SOS1: variants seen among roughly 807,000 people sequenced by gnomAD.
SOS1 encodes SOS Ras/Rac guanine nucleotide exchange factor 1.
A neutral mutation model predicts 157.6 loss-of-function variants in SOS1; 25 were observed. The observed-to-expected ratio is 0.16, with a 90% CI of 0.12 to 0.22. The LOEUF (loss-of-function observed/expected upper bound fraction) is 0.22. Among genes scored for constraint, SOS1 ranks in the 10% least tolerant of loss-of-function variants. SOS1 has a pLI of 1.00. For synonymous variants in SOS1, 528 were observed against 534.0 expected, an observed-to-expected ratio of 0.99 and a Z score of 0.16; for missense variants, 1,237 against 1,599.1, an observed-to-expected ratio of 0.77 and a Z score of 3.86.
chr2:39,106,368 A>G (rs865982209), intron 1 of SOS1, among the ~76,000 whole-genome samples: 11 of 152,132 alleles, frequency 7.2e-5, no homozygotes, highest in African/African-American at 2.4e-4. Flanking sequence ...AGGCGGGCGG[A>G]TCACGAGGTC....
intron 1 of SOS1, among the ~76,000 whole-genome samples, chr2:39,101,184 G>A (rs1273945609): frequency 6.6e-6 from 1 of 152,134 alleles, no homozygotes. Context: ...AGAGAGAGGG[G>A]AAGTGTGTCA....
At position 39,067,741 on chromosome 2, in the gene SOS1, C is replaced by T; in HGVS notation, c.100G>A (p.Val34Ile). ...TCATTAGACTCGAGAGTAGGATGAACTTGCCCCTGGACCTATAAACAAAAA... is the reference window on the plus strand; with the variant it reads ...TCATTAGACTCGAGAGTAGGATGAATTTGCCCCTGGACCTATAAACAAAAA... ...VPALKKVQGQ[V>I]HPTLESNDDA... Residue 34 changes from valine (V) to isoleucine (I), a missense_variant, in exon 2 of 23, where the codon GTT (valine) becomes ATT (isoleucine). Physicochemically the swap from Val to Ile is conservative, Grantham distance 29. This residue lies in a region of SOS1 where 99 missense variants were observed against 81.6 expected (regional missense o/e 1.21). Transcript: ENST00000402219. 6.2e-7 allele frequency: 1 copy of T among 1,612,872 alleles called. No individual in the cohort carries two copies. The highest frequency in any genetic ancestry group is 8.5e-7 in the Non-Finnish European group (1 of 1,178,858).
At chr2:39,117,177 C>T (rs1281349026) in intron 1 of SOS1, among the ~76,000 whole-genome samples, 1 of 151,984 alleles carries the variant, frequency 6.6e-6, no homozygotes, top group East Asian at 1.9e-4. Context: ...TACAGGTGCC[C>T]ACCACCACGC....
intron 1 of SOS1, among the ~76,000 whole-genome samples, chr2:39,113,548 TA>T (rs1673521415): frequency 6.6e-6 from 1 of 151,910 alleles, no homozygotes; most frequent in Non-Finnish European, 1.5e-5. Flanking sequence ...AATAAATAAA[TA>T]AAATAATTTT....
chr2:39,077,469 T>G (rs1048614045), intron 1 of SOS1, among the ~76,000 whole-genome samples: 1 of 152,182 alleles, frequency 6.6e-6, no homozygotes, highest in Admixed American at 6.5e-5. Flanking sequence ...ATAATTCCTA[T>G]TAAAATTGAA....
intron 1 of SOS1, among the ~76,000 whole-genome samples, chr2:39,086,927 C>G (rs1345217141): frequency 3.3e-5 from 5 of 152,154 alleles, no homozygotes; most frequent in African/African-American, 4.8e-5. Context: ...ATTCTCCTGC[C>G]TCAGCCTCCC....
intron 1 of SOS1, among the ~76,000 whole-genome samples, chr2:39,075,166 A>G (rs1671927199): frequency 6.6e-6 from 1 of 152,150 alleles, no homozygotes; most frequent in Admixed American, 6.5e-5. Context: ...CAGGCTCCAT[A>G]AGAAGAGAGA....
chr2:39,080,471 A>AT (rs2148167991), intron 1 of SOS1, among the ~76,000 whole-genome samples: 1 of 152,320 alleles, frequency 6.6e-6, no homozygotes, highest in South Asian at 2.1e-4. Context: ...GGGACCCCTG[A>AT]TTTAAACTGA....
rs575349210 is a variant in SOS1, at chr2:39,097,504, G to T, written c.87+22832C>A. ...TTTAACAAGCTGTCCAAGTGATTCTGATGCTTGATAAAGTTTGGCAACCAC... is the reference window on the plus strand; with the variant it reads ...TTTAACAAGCTGTCCAAGTGATTCTTATGCTTGATAAAGTTTGGCAACCAC... On this transcript the variant is annotated intron_variant, in intron 1 of 22. Transcript: ENST00000402219. 3.9e-5 allele frequency among the ~76,000 whole-genome samples: 6 copies of T among 151,908 alleles called. 1 individual carries two copies. The highest frequency in any genetic ancestry group is 2.6e-4 in the Admixed American group (4 of 15,266).
intron 1 of SOS1, among the ~76,000 whole-genome samples, chr2:39,117,446 G>C (rs943189947): frequency 6.6e-6 from 1 of 152,184 alleles, no homozygotes; most frequent in Admixed American, 6.5e-5. Flanking sequence ...AACAGATACA[G>C]TGGGACATTC....
chr2:39,074,060 C>T (rs1450117885), intron 1 of SOS1, among the ~76,000 whole-genome samples: 2 of 152,110 alleles, frequency 1.3e-5, no homozygotes, highest in African/African-American at 2.4e-5. Context: ...AAATTTAAGA[C>T]CAGCCTGGGC....
At chr2:39,122,659 A>C (rs1321713849), upstream of SOS1, among the ~76,000 whole-genome samples, 2 of 152,250 alleles carry the variant, frequency 1.3e-5, no homozygotes, top group South Asian at 4.1e-4. Flanking sequence ...CCCACTTTCA[A>C]AGTGTGTGGA....
intron 6 of SOS1, among the ~76,000 whole-genome samples, chr2:39,047,850 T>C (rs1303004256): frequency 1.3e-5 from 2 of 152,086 alleles, no homozygotes; most frequent in Non-Finnish European, 2.9e-5. Context: ...GTATTTTTAA[T>C]AGAGACAGGG....
chr2:39,035,497 G>C lies in SOS1; in HGVS notation c.868C>G (p.Leu290Val). The change falls in exon 7 of 23, where the codon CTG becomes GTG. Residue 290 changes from leucine to valine, a missense_variant. Leu to Val is a conservative substitution (Grantham distance 32, BLOSUM62 1). Around this residue, in one of 15 missense-constraint regions of SOS1, gnomAD observed 101 missense variants for 171.5 expected, o/e 0.59. Coordinates refer to ENST00000402219, the MANE Select transcript of SOS1 (RefSeq NM_005633.4). ...GSCFEDLAEE[L>V]AFDPYESYAR... ...TACGATTCATATGGATCAAATGCCA[G>C]TTCCTTAGAAAATAAAGAAGGTAAA... 1 of 1,601,514 alleles carries C rather than the reference G, an allele frequency of 6.2e-7. No individual in the cohort carries two copies. Among genetic ancestry groups the C allele is most frequent in the East Asian group, 2.2e-5 (1 of 44,804 alleles).
intron 6 of SOS1, among the ~76,000 whole-genome samples, chr2:39,045,613 TTA>T (rs1219133589): frequency 2.0e-5 from 3 of 152,222 alleles, no homozygotes; most frequent in Non-Finnish European, 4.4e-5. Context: ...TGATTAGTTT[TTA>T]TGTTATGATA....
chr2:39,102,354 C>T (rs989249382), intron 1 of SOS1, among the ~76,000 whole-genome samples: 2 of 149,866 alleles, frequency 1.3e-5, no homozygotes, highest in Non-Finnish European at 1.5e-5. Context: ...GAGAGTTCAT[C>T]TTTACCAAAG....
intron 8 of SOS1, among the ~76,000 whole-genome samples, chr2:39,033,247 A>T (rs1230527412): frequency 6.8e-6 from 1 of 147,902 alleles, no homozygotes; most frequent in Non-Finnish European, 1.5e-5. Flanking sequence ...AAGTGATGAG[A>T]GTCTTGTGGA....
rs149139868 is a variant in SOS1 at position 39,035,549 on chromosome 2, C to T, written c.865-49G>A. 1,331 of 1,347,608 alleles carry T rather than the reference C, an allele frequency of 9.9e-4. 14 individuals carry two copies. The African/African-American group carries it at 0.017, about 17-fold the overall frequency. 83.5% of individuals were successfully genotyped at this position (1,347,608 alleles called of 1,614,324 possible). A position where few individuals can be genotyped will look rare whatever the true frequency, so the allele number is the denominator to read the frequency against. On this transcript the variant is annotated intron_variant, in intron 6 of 22. Coordinates refer to ENST00000402219, the MANE Select transcript of SOS1 (RefSeq NM_005633.4). The stretch of plus-strand genomic sequence containing the variant: ...CATAAATAATTTACCATTACAAACA[C>T]AGAAAGATTTAATTATGGGGCACGA...
In SOS1 at chr2:39,076,507, G is replaced by T. The variant is rs570428525; in HGVS notation, c.88-8754C>A. On this transcript the variant is annotated intron_variant, in intron 1 of 22. Coordinates refer to ENST00000402219, the MANE Select transcript of SOS1 (RefSeq NM_005633.4). The stretch of plus-strand genomic sequence containing the variant: ...AGGAACTAAGACTGGTTCAACAAAA[G>T]TAAATCTTTTGTGATTCTCACATTA... 3.3e-5 allele frequency among the ~76,000 whole-genome samples: 5 copies of T among 152,184 alleles called. No individual in the cohort carries two copies. The South Asian group carries it at 1.0e-3, about 32-fold the overall frequency.
Sources: gnomAD v4.1 joint callset for allele counts (sites outside exome capture counted in the v4.1 genomes callset) on GRCh38, gnomAD v4.1.1 for gene constraint, gnomAD v4.1.1 regional missense constraint, MANE v1.5 for transcripts, NCBI Gene and HGNC (gene_info 2026-07-23, HGNC 2026-07-21) for gene names.